Variants in LMNA observed in about 807,000 individuals in gnomAD.
LMNA encodes lamin A/C.
LMNA carries 20 observed loss-of-function variants against 70.4 expected under a neutral mutation model. That is an observed-to-expected ratio of 0.28 (90% CI 0.20 to 0.41). The LOEUF (loss-of-function observed/expected upper bound fraction) is 0.41. Among genes scored for constraint, LMNA ranks in the 10% least tolerant of loss-of-function variants. LMNA has a pLI of 1.00. For synonymous variants in LMNA, 339 were observed against 372.8 expected (o/e 0.91, Z 1.04); for missense variants, 652 against 917.2 (o/e 0.71, Z 3.73).
chr1:156,099,800 T>C (rs1375392694), intron 3 of LMNA, among the ~76,000 whole-genome samples: 2 of 147,992 alleles, frequency 1.4e-5, no homozygotes, highest in Non-Finnish European at 3.0e-5. Flanking sequence ...GCAAAAGAAT[T>C]GCTTGAGCTC....
At chr1:156,098,291 GA>G (rs1481008550) in intron 3 of LMNA, among the ~76,000 whole-genome samples, 1 of 152,180 alleles carries the variant, frequency 6.6e-6, no homozygotes, top group Non-Finnish European at 1.5e-5. Flanking sequence ...CAATTTTTCT[GA>G]GGTCACAGAG....
intron 3 of LMNA, among the ~76,000 whole-genome samples, chr1:156,102,858 C>T (rs1264932055): frequency 6.6e-6 from 1 of 152,186 alleles, no homozygotes; most frequent in African/African-American, 2.4e-5. Flanking sequence ...CCAGCTTGGG[C>T]CCAGCTCTCC....
chr1:156,132,628 G>A (rs1651169226), intron 2 of LMNA, among the ~76,000 whole-genome samples: 1 of 151,972 alleles, frequency 6.6e-6, no homozygotes, highest in Admixed American at 6.5e-5. Context: ...CCCTTCCCAG[G>A]CCCTACCATC....
intron 3 of LMNA, among the ~76,000 whole-genome samples, chr1:156,094,926 ATT>A (rs1201138306): frequency 4.7e-5 from 6 of 127,714 alleles, no homozygotes; most frequent in Admixed American, 7.8e-5. Context: ...CAACCAGCTA[ATT>A]TTTTTTTTTT....
chr1:156,105,841 A>G (rs531614308), intron 3 of LMNA, among the ~76,000 whole-genome samples: 1 of 152,256 alleles, frequency 6.6e-6, no homozygotes, highest in South Asian at 2.1e-4. Context: ...TTATCTGGCC[A>G]GGCACGGTGG....
At chr1:156,093,246 A>C (rs1572313956) in intron 3 of LMNA, among the ~76,000 whole-genome samples, 1 of 141,874 alleles carries the variant, frequency 7.0e-6, no homozygotes, top group Non-Finnish European at 1.5e-5. Flanking sequence ...CTATTCCCTG[A>C]CCCTTCACCT....
rs369909996 is a variant in LMNA, at chr1:156,101,636, AAGGGAGGGAGGGAGGG to A, written c.-207+11073_-207+11088del. 2.0e-3 allele frequency among the ~76,000 whole-genome samples: 201 copies of A among 101,948 alleles called. 7 individuals are homozygous for A. The South Asian group carries it at 0.049, about 25-fold the overall frequency. 66.9% of individuals were successfully genotyped at this position (101,948 alleles called of 152,430 possible). A position where few individuals can be genotyped will look rare whatever the true frequency, so the allele number is the denominator to read the frequency against. ...CCAGGAAGGAAGGACGGAAGGAAGG[AAGGGAGGGAGGGAGGG>A]AGGGAGGGAGGGAGGGAGCGAGGGA... On this transcript the variant is annotated intron_variant, in intron 3 of 12. Coordinates refer to the LMNA transcript ENST00000368301.
chr1:156,118,555 A>G (rs1425330909), intron 1 of LMNA, among the ~76,000 whole-genome samples: 2 of 152,170 alleles, frequency 1.3e-5, no homozygotes, highest in Non-Finnish European at 2.9e-5. Context: ...AAGCTGATAG[A>G]AAGTGGGGTG....
exon 2 of LMNA, chr1:156,083,049 C>G (rs1230721919): frequency 6.6e-6 from 1 of 152,364 alleles, no homozygotes; most frequent in Non-Finnish European, 1.5e-5. Flanking sequence ...TTGTGGGGGC[C>G]AGGAAAGGGT....
chr1:156,115,424 G>A lies in LMNA; in HGVS notation c.356+150G>A, dbSNP rs1047170647. 25 of 729,352 alleles carry A rather than the reference G, an allele frequency of 3.4e-5. No homozygotes were observed. The African/African-American group carries it at 3.8e-4, about 11-fold the overall frequency. The allele number at this position is 729,352 out of a possible 1,614,324, so 45.2% of individuals were successfully genotyped here. ...CCCTCCCCGGAACTGCCCCCAGCGG[G>A]TGACTGGCAGTGTCAAGGGGAATTG... On this transcript the variant is annotated intron_variant, in intron 1 of 11. Coordinates refer to ENST00000368300, the MANE Select transcript of LMNA (RefSeq NM_170707.4). This position sits in a 1 kb window ranked among gnomAD's most constrained non-coding sequence, Gnocchi z 5.8.
chr1:156,098,972 C>T (rs1649041972), intron 3 of LMNA, among the ~76,000 whole-genome samples: 1 of 152,130 alleles, frequency 6.6e-6, no homozygotes, highest in African/African-American at 2.4e-5. Flanking sequence ...CACTAATTAG[C>T]TCTGGCTTTC....
In LMNA at chr1:156,136,869, C is replaced by T; in HGVS notation, c.1381-52C>T. ...GCTGGGCCTTTGAGCAAGATACACC[C>T]AAGAGCCTGGGTGAGCCTCCCCGAC... is the stretch of plus-strand genomic sequence containing the variant. On this transcript the variant is annotated intron_variant, in intron 7 of 11. Transcript: ENST00000368300. This position sits in a 1 kb window ranked among gnomAD's most constrained non-coding sequence, Gnocchi z 6.1. The T allele has an allele frequency of 6.7e-7, 1 of 1,501,972 alleles. No individual in the cohort carries two copies. The highest frequency in any genetic ancestry group is 9.1e-7 in the Non-Finnish European group (1 of 1,093,166). The allele number at this position is 1,501,972 out of a possible 1,614,324, so 93.0% of individuals were successfully genotyped here. A position where few individuals can be genotyped will look rare whatever the true frequency, so the allele number is the denominator to read the frequency against.
chr1:156,137,445 G>A lies in LMNA; in HGVS notation c.1609-209G>A. On this transcript the variant is annotated intron_variant, in intron 9 of 11. Coordinates refer to ENST00000368300, the MANE Select transcript of LMNA (RefSeq NM_170707.4). The surrounding 1 kb of genome is among the most constrained non-coding windows in gnomAD (Gnocchi z 4.6). The stretch of plus-strand genomic sequence containing the variant: ...AGTTAGACAGTGAGGATTGTTAAAG[G>A]CAGAGCCATACTCCTACCCGGAGAG... The A allele has an allele frequency of 3.8e-6, 3 of 786,054 alleles. No homozygotes were observed. The highest frequency in any genetic ancestry group is 6.3e-6 in the Non-Finnish European group (3 of 475,596). The allele number at this position is 786,054 out of a possible 1,614,324, so 48.7% of individuals were successfully genotyped here.
At position 156,105,955 on chromosome 1, in the gene LMNA, T is replaced by TA. The variant is rs543462557; in HGVS notation, c.-206-8749dup. On this transcript the variant is annotated intron_variant, in intron 3 of 12. Transcript: ENST00000368301. ...AACACGGTGAAACCCCGTCTCTACT[T>TA]AAAAAAAAACAGAAAACAAAAAACA... is the stretch of plus-strand genomic sequence containing the variant. 7.2e-4 allele frequency among the ~76,000 whole-genome samples: 107 copies of TA among 149,290 alleles called. 1 individual carries two copies. The highest frequency in any genetic ancestry group is 3.4e-3 in the Middle Eastern group (1 of 292).
At chr1:156,127,773 G>A (rs113448831) in intron 1 of LMNA, among the ~76,000 whole-genome samples, 5,618 of 149,868 alleles carry the variant, frequency 0.037, 353 homozygotes, top group African/African-American at 0.13. Flanking sequence ...TACAATCTCC[G>A]CCTCCCAGGC....
chr1:156,132,314 A>G (rs1464014571), intron 2 of LMNA, among the ~76,000 whole-genome samples: 1 of 152,062 alleles, frequency 6.6e-6, no homozygotes, highest in Non-Finnish European at 1.5e-5. Context: ...TACTACAAAT[A>G]CAAAAATTAG....
chr1:156,130,701 A>G lies in LMNA; in HGVS notation c.441A>G (p.Ala147=). Reference sequence around the variant, plus strand: ...CTCTGCTGAACTCCAAGGAGGCCGCACTGAGCACTGCTCTCAGTGAGAAGC... The same window carrying G: ...CTCTGCTGAACTCCAAGGAGGCCGCGCTGAGCACTGCTCTCAGTGAGAAGC... ...LEALLNSKEA[A]LSTALSEKRT... Residue 147 remains alanine, a synonymous_variant, in exon 2 of 12, where the codon GCA becomes GCG. Transcript: ENST00000368300. The G allele has an allele frequency of 6.2e-7, 1 of 1,613,444 alleles. No individual in the cohort carries two copies. Among genetic ancestry groups the G allele is most frequent in the Non-Finnish European group, 8.5e-7 (1 of 1,179,870 alleles).
Position 156,135,973 on chromosome 1 carries a change from C to T in LMNA, c.1009C>T (p.Leu337=), listed in dbSNP as rs1339374391. 2 of 1,614,072 alleles carry T rather than the reference C, an allele frequency of 1.2e-6. No individual in the cohort carries two copies. The highest frequency in any genetic ancestry group is 2.2e-5 in the East Asian group (1 of 44,884). The change falls in exon 6 of 12, where the codon CTG becomes TTG. Residue 337 remains leucine (L), a synonymous_variant. Transcript: ENST00000368300. The surrounding 1 kb of genome is among the most constrained non-coding windows in gnomAD (Gnocchi z 4.8). ...CCGTGAGCGGGACACCAGCCGGCGG[C>T]TGCTGGCGGAAAAGGAGCGGGAGAT... is the stretch of plus-strand genomic sequence containing the variant. The part of the protein sequence containing the change: ...LARERDTSRR[L]LAEKEREMAE...
In LMNA at chr1:156,139,585, G is replaced by A; in HGVS notation, c.*479G>A. 3 of 1,403,354 alleles carry A rather than the reference G, an allele frequency of 2.1e-6. No individual in the cohort carries two copies. Among genetic ancestry groups the A allele is most frequent in the Non-Finnish European group, 1.8e-6 (2 of 1,084,560 alleles). 86.9% of individuals were successfully genotyped at this position (1,403,354 alleles called of 1,614,324 possible). Reference sequence around the variant, plus strand: ...GGCTCACTGCCAGGCCAGCCTCCGAGAGGGAGAGAGAGAGAGAGAGGACAG... The same window carrying A: ...GGCTCACTGCCAGGCCAGCCTCCGAAAGGGAGAGAGAGAGAGAGAGGACAG... On this transcript the variant is annotated 3_prime_UTR_variant, in exon 12 of 12. Transcript: ENST00000368300.
Sources: allele counts gnomAD v4.1 joint callset (sites outside exome capture counted in the v4.1 genomes callset), GRCh38; gene constraint gnomAD v4.1.1; non-coding constraint Gnocchi (gnomAD v3.1); transcripts MANE v1.5; gene names NCBI Gene and HGNC (gene_info 2026-07-23, HGNC 2026-07-21).